The following ZNF469 variants were observed in gnomAD, a reference collection of about 807,000 sequenced individuals.
ZNF469 encodes the protein zinc finger protein 469.
Under a neutral mutation model 1.0 loss-of-function variants are expected in ZNF469, and 1 was observed. The observed-to-expected ratio is 1.00, with a 90% CI of 0.35 to 4.73. The LOEUF (loss-of-function observed/expected upper bound fraction) is 4.73. Ranked by LOEUF, ZNF469 falls within the 30% of genes most tolerant of loss-of-function variation. ZNF469 has a pLI of 0.16. For synonymous variants in ZNF469, 2,703 were observed against 2,363.4 expected, an observed-to-expected ratio of 1.14 and a Z score of -4.17; for missense variants, 6,100 against 5,356.3, an observed-to-expected ratio of 1.14 and a Z score of -4.33.
the ZNF469 span, among the ~76,000 whole-genome samples, chr16:88,104,582 C>T: frequency 3.3e-5 from 5 of 152,272 alleles, no homozygotes; most frequent in Non-Finnish European, 7.3e-5. Context: ...TCACGCAACG[C>T]GTGGCCCTTT....
the ZNF469 span, among the ~76,000 whole-genome samples, chr16:88,122,442 A>C: frequency 6.8e-6 from 1 of 147,036 alleles, no homozygotes; most frequent in Non-Finnish European, 1.5e-5. Flanking sequence ...ACACTCCGTC[A>C]CTCGCTACGG....
intron 1 of ZNF469, among the ~76,000 whole-genome samples, chr16:88,422,445 T>G (rs1597202487): frequency 4.3e-5 from 4 of 92,978 alleles, no homozygotes; most frequent in Middle Eastern, 8.8e-3. Context: ...GGTGGGTGGG[T>G]GGATGGATGG....
At chr16:88,163,641 GAT>G in the ZNF469 span, among the ~76,000 whole-genome samples, 1 of 151,626 alleles carries the variant, frequency 6.6e-6, no homozygotes, top group African/African-American at 2.4e-5. Flanking sequence ...TGGATGGATG[GAT>G]GGATGGATGG....
the ZNF469 span, among the ~76,000 whole-genome samples, chr16:88,312,964 C>T: frequency 6.6e-6 from 1 of 150,764 alleles, no homozygotes; most frequent in African/African-American, 2.4e-5. Flanking sequence ...TTACTTAGTT[C>T]CAGAAATAAT....
chr16:88,250,480 C>T, the ZNF469 span, among the ~76,000 whole-genome samples: 2 of 152,146 alleles, frequency 1.3e-5, no homozygotes. Flanking sequence ...TTATCCTGCC[C>T]GGGCTTCACT....
intron 1 of ZNF469, among the ~76,000 whole-genome samples, chr16:88,383,468 G>C (rs1308273474): frequency 6.7e-6 from 1 of 148,812 alleles, no homozygotes; most frequent in Non-Finnish European, 1.5e-5. Context: ...CGGACGTGCG[G>C]GGCAGCGAGC....
chr16:88,213,912 T>G, the ZNF469 span, among the ~76,000 whole-genome samples: 1 of 152,222 alleles, frequency 6.6e-6, no homozygotes, highest in Non-Finnish European at 1.5e-5. Context: ...GGTGTTTGTT[T>G]TCCTATTTGC....
In ZNF469 at chr16:88,435,325, C is replaced by T; in HGVS notation, c.7855C>T (p.Pro2619Ser). Residue 2619 changes from proline (P) to serine (S), a missense_variant, in exon 3 of 3, where the codon CCC becomes TCC. Pro to Ser is a moderately conservative substitution (Grantham distance 74). Transcript: ENST00000565624. ...KREGRRWRRE[P>S]TVDSPSHSEG... ...AGAAGGCCGGAGGTGGCGCCGAGAG[C>T]CCACCGTGGACTCTCCTAGCCACTC... is the stretch of plus-strand genomic sequence containing the variant. 6.5e-7 allele frequency: 1 copy of T among 1,550,324 alleles called. No individual in the cohort carries two copies. The highest frequency in any genetic ancestry group is 1.2e-5 in the South Asian group (1 of 84,054).
the ZNF469 span, among the ~76,000 whole-genome samples, chr16:88,184,891 C>T: frequency 2.0e-5 from 3 of 152,362 alleles, no homozygotes; most frequent in South Asian, 6.2e-4. Context: ...CACATAAATG[C>T]AATCCACATG....
rs1905320737 is a variant in ZNF469 at position 88,417,066 on chromosome 16, C to A, written c.-191-7741C>A. 2.0e-5 allele frequency among the ~76,000 whole-genome samples: 3 copies of A among 152,234 alleles called. No homozygotes were observed. In the South Asian group the frequency reaches 6.2e-4, roughly 31 times the overall value. On this transcript the variant is annotated intron_variant, in intron 1 of 2. Transcript: ENST00000565624. ...GCTCCAAGAGAAAGGCAGACTTGGG[C>A]ACCGCCTGCCCTTTTCCAGAGCTGC... is the stretch of plus-strand genomic sequence containing the variant.
At position 88,435,740 on chromosome 16, in the gene ZNF469, G is replaced by T; in HGVS notation, c.8270G>T (p.Gly2757Val). 6.4e-7 allele frequency: 1 copy of T among 1,550,810 alleles called. No individual in the cohort carries two copies. The highest frequency in any genetic ancestry group is 1.2e-5 in the South Asian group (1 of 84,060). The change falls in exon 3 of 3, where the codon GGA (glycine) becomes GTA (valine). Residue 2757 changes from glycine to valine, a missense_variant. Coordinates refer to ENST00000565624, the MANE Select transcript of ZNF469 (RefSeq NM_001367624.2). ...GGAGCCTCGGCAAGGGGGTTCTGGG[G>T]ACCAAGAGAGACCAAGGCGTTGGGT... The part of the protein sequence containing the change: ...QKGASARGFW[G>V]PRETKALGVC...
chr16:88,144,297 C>A, the ZNF469 span, among the ~76,000 whole-genome samples: 3 of 152,192 alleles, frequency 2.0e-5, no homozygotes, highest in Admixed American at 1.3e-4. Context: ...CGTTTAACTT[C>A]GGGAACCATG....
At chr16:88,342,641 GA>G in the ZNF469 span, among the ~76,000 whole-genome samples, 4 of 152,240 alleles carry the variant, frequency 2.6e-5, no homozygotes, top group Non-Finnish European at 4.4e-5. Context: ...TCTGAGCAGT[GA>G]GCCTTTTCCC....
intron 1 of ZNF469, among the ~76,000 whole-genome samples, chr16:88,396,462 CGGAGACCCTCCTGAAGGGAGGCCGGGA>C (rs1439272346): frequency 1.2e-4 from 14 of 115,176 alleles, no homozygotes; most frequent in African/African-American, 4.8e-4. Flanking sequence ...GGAGGCCGGG[CGGAGACCCTCCTGAAGGGAGGCCGGGA>C]GGAGACCCTC....
chr16:88,315,001 A>G, the ZNF469 span, among the ~76,000 whole-genome samples: 4,738 of 144,760 alleles, frequency 0.033, 181 homozygotes, highest in East Asian at 0.14. Flanking sequence ...ATGCTGGTGT[A>G]GAATATCTCT....
Position 88,432,494 on chromosome 16 carries a change from C to T in ZNF469, c.5024C>T (p.Ala1675Val). ...HPGHAALLPC[A>V]QEDLVSGAPF... ...GGACATGCAGCCCTTCTCCCCTGTG[C>T]CCAGGAAGACCTGGTTTCTGGGGCT... Residue 1675 changes from alanine (A) to valine (V), a missense_variant, in exon 3 of 3, where the codon GCC becomes GTC. Ala to Val is a moderately conservative substitution (Grantham distance 64). Transcript: ENST00000565624. The T allele has an allele frequency of 2.6e-6, 4 of 1,550,390 alleles. No homozygotes were observed. The highest frequency in any genetic ancestry group is 3.5e-6 in the Non-Finnish European group (4 of 1,146,982).
In ZNF469 at chr16:88,430,966, G is replaced by T. The variant is rs958736491; in HGVS notation, c.3496G>T (p.Gly1166Cys). ...GCCGGGCGGGTCTCGCCCGGGCCCCGGCAGGAGCCCTCAGGCCCGTGGCCC... is the reference window on the plus strand; with the variant it reads ...GCCGGGCGGGTCTCGCCCGGGCCCCTGCAGGAGCCCTCAGGCCCGTGGCCC... ...EEPGGSRPGPGRSPQARGPSR... is the reference protein window; with the variant it reads ...EEPGGSRPGPCRSPQARGPSR... The change falls in exon 3 of 3, where the codon GGC becomes TGC. Residue 1166 changes from glycine (G) to cysteine (C), a missense_variant. Coordinates refer to ENST00000565624, the MANE Select transcript of ZNF469 (RefSeq NM_001367624.2). 1 of 1,537,100 alleles carries T rather than the reference G, an allele frequency of 6.5e-7. No homozygotes were observed. The highest frequency in any genetic ancestry group is 8.7e-7 in the Non-Finnish European group (1 of 1,145,304).
the ZNF469 span, among the ~76,000 whole-genome samples, chr16:88,129,613 G>A: frequency 6.6e-6 from 1 of 152,278 alleles, no homozygotes; most frequent in Middle Eastern, 3.4e-3. Flanking sequence ...CAGCACTTTG[G>A]GAGGCTGAGG....
At chr16:88,374,757 T>C in the ZNF469 span, among the ~76,000 whole-genome samples, 12 of 152,258 alleles carry the variant, frequency 7.9e-5, no homozygotes, top group Non-Finnish European at 1.5e-4. Flanking sequence ...TGCTGTGGGC[T>C]GAGATCGGCG....
Sources: allele counts gnomAD v4.1 joint callset (sites outside exome capture counted in the v4.1 genomes callset), GRCh38; gene constraint gnomAD v4.1.1; transcripts MANE v1.5; gene names NCBI Gene and HGNC (gene_info 2026-07-23, HGNC 2026-07-21).